The following PRKACA variants were observed in gnomAD, a reference collection of about 807,000 sequenced individuals.
The protein encoded by PRKACA is cAMP-dependent protein kinase catalytic subunit alpha.
Under a neutral mutation model 45.8 loss-of-function variants are expected in PRKACA, and 9 were observed. The observed-to-expected ratio is 0.20, with a 90% CI of 0.12 to 0.34. The LOEUF (loss-of-function observed/expected upper bound fraction) is 0.34. Ranked by LOEUF, PRKACA falls within the 10% of genes least tolerant of loss-of-function variation. PRKACA has a pLI of 1.00. For synonymous variants in PRKACA, 160 were observed against 178.6 expected, an observed-to-expected ratio of 0.90 and a Z score of 0.83; for missense variants, 238 against 458.6, an observed-to-expected ratio of 0.52 and a Z score of 4.39.
At chr19:14,109,755 T>C (rs1977717216) in intron 1 of PRKACA, among the ~76,000 whole-genome samples, 2 of 150,426 alleles carry the variant, frequency 1.3e-5, no homozygotes, top group South Asian at 4.2e-4. Context: ...CTGGCCAACA[T>C]GGTGAAACCC....
intron 1 of PRKACA, chr19:14,112,420 C>G (rs1019339391): frequency 6.6e-5 from 10 of 150,904 alleles, no homozygotes; most frequent in African/African-American, 2.0e-4. Context: ...GCTGCAGCCA[C>G]AGCTGGAAGG....
chr19:14,101,560 C>T (rs755733225), intron 4 of PRKACA, among the ~76,000 whole-genome samples: 6 of 149,356 alleles, frequency 4.0e-5, no homozygotes, highest in Non-Finnish European at 7.4e-5. Flanking sequence ...AAGACCTTAT[C>T]TTAAACAAAA....
At chr19:14,094,868 T>C (rs1416691346) in intron 8 of PRKACA, among the ~76,000 whole-genome samples, 1 of 152,250 alleles carries the variant, frequency 6.6e-6, no homozygotes, top group Non-Finnish European at 1.5e-5. Context: ...CCAAACCCTC[T>C]GAGCCCACGC....
intron 1 of PRKACA, among the ~76,000 whole-genome samples, chr19:14,112,935 G>T (rs561465738): frequency 6.6e-6 from 1 of 152,184 alleles, no homozygotes; most frequent in Non-Finnish European, 1.5e-5. Flanking sequence ...CCCTTAATTC[G>T]CTGAAAGAAC....
chr19:14,107,037 A>T (rs1977634009), intron 2 of PRKACA, 149 bp from the exon 3 acceptor site: 2 of 1,052,340 alleles, frequency 1.9e-6, no homozygotes, highest in Middle Eastern at 3.2e-4. Context: ...GAAAATCAAG[A>T]TGGCAGAGGG....
rs966656681 is a variant in PRKACA at position 14,093,688 on chromosome 19, G to A, written c.870C>T (p.Asn290=). Residue 290 remains asparagine (N), a synonymous_variant, in exon 9 of 10, where the codon AAC becomes AAT. Coordinates refer to ENST00000308677, the MANE Select transcript of PRKACA (RefSeq NM_002730.4). ...KRFGNLKNGV[N]DIKNHKWFAT... ...CAAACCACTTGTGGTTCTTGATATC[G>A]TTGACCCCATTCTTGAGGTTCCCAA... 35 of 1,614,044 alleles carry A rather than the reference G, an allele frequency of 2.2e-5. No homozygotes were observed. The Middle Eastern group carries it at 4.9e-4, about 23-fold the overall frequency.
chr19:14,107,674 G>A (rs2144478524), intron 1 of PRKACA: 21 of 1,303,430 alleles, frequency 1.6e-5, no homozygotes, highest in East Asian at 1.0e-4. Flanking sequence ...GAGGTGCCCA[G>A]GCAGACCAGC....
intron 4 of PRKACA, 34 bp from the exon 5 acceptor site, chr19:14,100,942 C>T: frequency 6.3e-7 from 1 of 1,598,334 alleles, no homozygotes; most frequent in Non-Finnish European, 8.6e-7. Flanking sequence ...AGGGCCCACC[C>T]CTGAGACTTG....
At position 14,106,741 on chromosome 19, in the gene PRKACA, C is replaced by T. The variant is rs368065594; in HGVS notation, c.237+19G>A. On this transcript the variant is annotated intron_variant, in intron 3 of 9. Transcript: ENST00000308677. ...AAAGGCCTGACAGGCAGGCCCTGAGCGAGGACAGGCCACCTCACCTTCTGT... is the reference window on the plus strand; with the variant it reads ...AAAGGCCTGACAGGCAGGCCCTGAGTGAGGACAGGCCACCTCACCTTCTGT... The T allele has an allele frequency of 6.8e-6, 11 of 1,613,606 alleles. No individual in the cohort carries two copies. Among genetic ancestry groups the T allele is most frequent in the East Asian group, 4.5e-5 (2 of 44,880 alleles).
In PRKACA at chr19:14,093,487, T is replaced by G; in HGVS notation, c.930+141A>C. On this transcript the variant is annotated intron_variant, in intron 9 of 9. Transcript: ENST00000308677. Reference sequence around the variant, plus strand: ...ATGGCCAAATGACCCCAGAATCCCATTTCTAGACCCCACTGCTCTAAGCTC... The same window carrying G: ...ATGGCCAAATGACCCCAGAATCCCAGTTCTAGACCCCACTGCTCTAAGCTC... 2.5e-6 allele frequency: 3 copies of G among 1,203,250 alleles called. No homozygotes were observed. The South Asian group carries it at 4.5e-5, about 18-fold the overall frequency. 74.5% of individuals were successfully genotyped at this position (1,203,250 alleles called of 1,614,324 possible).
At chr19:14,114,169 T>C (rs1054449186) in intron 1 of PRKACA, 4 of 1,610,608 alleles carry the variant, frequency 2.5e-6, no homozygotes, top group African/African-American at 1.3e-5. Flanking sequence ...TCAGTCCTGT[T>C]CTCAGGGCAC....
chr19:14,113,954 T>TCCCCTCTCTCTTCCCCAGG (rs1010735545), intron 1 of PRKACA, among the ~76,000 whole-genome samples: 6 of 152,122 alleles, frequency 3.9e-5, no homozygotes, highest in Middle Eastern at 3.4e-3. Flanking sequence ...GGGCCACCGA[T>TCCCCTCTCTCTTCCCCAGG]CCCCTCTCTC....
chr19:14,093,872 CG>C, intron 8 of PRKACA, 80 bp from the exon 9 acceptor site: 15 of 1,430,890 alleles, frequency 1.0e-5, no homozygotes, highest in Non-Finnish European at 1.2e-5. Flanking sequence ...CTCCATCCAA[CG>C]GTCCTACTGG....
At chr19:14,102,182 C>T (rs990455182) in intron 4 of PRKACA, among the ~76,000 whole-genome samples, 3 of 150,842 alleles carry the variant, frequency 2.0e-5, no homozygotes, top group East Asian at 3.9e-4. Flanking sequence ...AAAATTATTA[C>T]GGATCTCAAG....
Position 14,092,633 on chromosome 19 carries a change from C to G in PRKACA, c.*479G>C. On this transcript the variant is annotated 3_prime_UTR_variant, in exon 10 of 10. Coordinates refer to ENST00000308677, the MANE Select transcript of PRKACA (RefSeq NM_002730.4). ...CATGTCACTAAAAATCTCTCCTTCC[C>G]AGGCAGGATTACTCCGAAAGGAAGG... 1 of 398,366 alleles carries G rather than the reference C, an allele frequency of 2.5e-6. No homozygotes were observed. Among genetic ancestry groups the G allele is most frequent in the Non-Finnish European group, 4.4e-6 (1 of 226,344 alleles). 24.7% of individuals were successfully genotyped at this position (398,366 alleles called of 1,614,324 possible). A position where few individuals can be genotyped will look rare whatever the true frequency, so the allele number is the denominator to read the frequency against.
intron 8 of PRKACA, among the ~76,000 whole-genome samples, 176 bp from the exon 9 acceptor site, chr19:14,093,968 C>T (rs2145742545): frequency 6.6e-6 from 1 of 152,246 alleles, no homozygotes; most frequent in Middle Eastern, 3.4e-3. Flanking sequence ...TTTAGGAAGT[C>T]TGATACTGTG....
At chr19:14,117,328 C>T (rs1442163560) in intron 1 of PRKACA, among the ~76,000 whole-genome samples, 174 bp downstream of exon 1, 2 of 148,404 alleles carry the variant, frequency 1.3e-5, no homozygotes, top group African/African-American at 5.0e-5. Flanking sequence ...GGGACCCCTA[C>T]AGGGGGTACT....
At chr19:14,098,516 A>C (rs1450152316) in intron 5 of PRKACA, 1 of 149,338 alleles carries the variant, frequency 6.7e-6, no homozygotes, top group Admixed American at 6.7e-5. Context: ...TATTTTTTTT[A>C]AGACAGTCTC....
rs776568028 is a variant in PRKACA, at chr19:14,106,832, G to A, written c.165C>T (p.Phe55=). Residue 55 remains phenylalanine, a synonymous_variant, in exon 3 of 10, where the codon TTC becomes TTT. Transcript: ENST00000308677. ...ERIKTLGTGS[F]GRVMLVKHKE... The stretch of plus-strand genomic sequence containing the variant: ...TGTGTTTCACCAGCATCACCCGCCC[G>A]AAGGAGCCCGTGCCGAGGGTCTTGA... 87 of 1,614,060 alleles carry A rather than the reference G, an allele frequency of 5.4e-5. No individual in the cohort carries two copies. The Admixed American group carries it at 1.2e-3, about 22-fold the overall frequency.
Sources: allele counts gnomAD v4.1 joint callset (sites outside exome capture counted in the v4.1 genomes callset), GRCh38; gene constraint gnomAD v4.1.1; transcripts MANE v1.5; gene names NCBI Gene and HGNC (gene_info 2026-07-23, HGNC 2026-07-21).